The following AP5Z1 variants were observed in gnomAD, a reference collection of about 807,000 sequenced individuals.
AP5Z1 encodes the protein adaptor related protein complex 5 subunit zeta 1.
In AP5Z1, 106 loss-of-function variants were observed where a neutral mutation model predicts 83.0. That is an observed-to-expected ratio of 1.28 (90% CI 1.09 to 1.50). AP5Z1 has a LOEUF of 1.50. Ranked by LOEUF, AP5Z1 falls within the 40% of genes most tolerant of loss-of-function variation. The pLI is 0.00. For missense variants in AP5Z1, 1,565 were observed against 1,094.2 expected, an observed-to-expected ratio of 1.43 and a Z score of -6.07; for synonymous variants, 751 against 514.1, an observed-to-expected ratio of 1.46 and a Z score of -6.23.
chr7:4,791,630 CTGAT>C lies in AP5Z1; in HGVS notation c.*248_*251del. ...AGCTGAGGGGTGCCATGGAGCGGCT[CTGAT>C]TGGAGGCTTGAGGCCCTGTGGCTGG... On this transcript the variant is annotated 3_prime_UTR_variant, in exon 17 of 17. Coordinates refer to ENST00000649063, the MANE Select transcript of AP5Z1 (RefSeq NM_014855.3). 3.5e-6 allele frequency: 2 copies of C among 579,638 alleles called. No individual in the cohort carries two copies. The highest frequency in any genetic ancestry group is 5.9e-6 in the Non-Finnish European group (2 of 341,304). 35.9% of individuals were successfully genotyped at this position (579,638 alleles called of 1,614,324 possible).
chr7:4,782,182 A>C (rs1468058414), intron 3 of AP5Z1, among the ~76,000 whole-genome samples: 5 of 152,128 alleles, frequency 3.3e-5, no homozygotes, highest in Admixed American at 3.3e-4. Context: ...CCTCCTGAGT[A>C]GCTGGGATTA....
intron 3 of AP5Z1, among the ~76,000 whole-genome samples, chr7:4,783,104 C>T (rs919223625): frequency 7.2e-5 from 11 of 152,234 alleles, no homozygotes; most frequent in African/African-American, 2.7e-4. Flanking sequence ...CCCCTCCAGC[C>T]TCAGCGATGC....
chr7:4,783,556 G>C (rs1781444924), intron 4 of AP5Z1, 96 bp downstream of exon 4: 1 of 1,549,158 alleles, frequency 6.5e-7, no homozygotes. Flanking sequence ...GGGGCAGGTG[G>C]GGGACACGGG....
chr7:4,791,111 C>T lies in AP5Z1; in HGVS notation c.2154-4C>T, dbSNP rs1392478975. 3 of 1,581,346 alleles carry T rather than the reference C, an allele frequency of 1.9e-6. No homozygotes were observed. The highest frequency in any genetic ancestry group is 1.2e-5 in the South Asian group (1 of 86,788). On this transcript the variant is annotated splice_polypyrimidine_tract_variant and splice_region_variant and intron_variant, in intron 16 of 16. Coordinates refer to ENST00000649063, the MANE Select transcript of AP5Z1 (RefSeq NM_014855.3). ...CAGCTGACGGAGGGACCTTCTTTCCCCAGGGCCTCTTTATTGCTGTCAAAG... is the reference window on the plus strand; with the variant it reads ...CAGCTGACGGAGGGACCTTCTTTCCTCAGGGCCTCTTTATTGCTGTCAAAG...
chr7:4,782,468 G>A (rs975400383), intron 3 of AP5Z1, among the ~76,000 whole-genome samples: 4 of 152,198 alleles, frequency 2.6e-5, no homozygotes, highest in African/African-American at 9.7e-5. Context: ...CTGCAGGAAG[G>A]TTGCGATGGA....
chr7:4,787,583 G>T, intron 10 of AP5Z1, 51 bp from the exon 11 acceptor site: 1 of 1,522,448 alleles, frequency 6.6e-7, no homozygotes, highest in Non-Finnish European at 8.8e-7. Context: ...TCCCTCTGCC[G>T]CCTGCTCCAC....
intron 12 of AP5Z1, 182 bp from the exon 13 acceptor site, chr7:4,788,658 T>C (rs1583238099): frequency 3.6e-6 from 2 of 557,712 alleles, no homozygotes; most frequent in Non-Finnish European, 6.2e-6. Context: ...ATGGCTTTAC[T>C]GTCCCGGGTG....
intron 6 of AP5Z1, 39 bp downstream of exon 6, chr7:4,784,410 A>G (rs1299683674): frequency 3.4e-5 from 23 of 670,468 alleles, no homozygotes; most frequent in Middle Eastern, 7.7e-4. Flanking sequence ...CAGGGGTGGG[A>G]GGTGGGCGCA....
Position 4,791,394 on chromosome 7 carries a change from T to C in AP5Z1, c.*9T>C. 1 of 1,599,180 alleles carries C rather than the reference T, an allele frequency of 6.3e-7. No individual in the cohort carries two copies. Among genetic ancestry groups the C allele is most frequent in the Non-Finnish European group, 8.5e-7 (1 of 1,172,812 alleles). ...GCCTCATGCCAGGGTGAAGGGACAG[T>C]GGCCAGGGACTTCGGTGCAGATTAA... On this transcript the variant is annotated 3_prime_UTR_variant, in exon 17 of 17. Coordinates refer to ENST00000649063, the MANE Select transcript of AP5Z1 (RefSeq NM_014855.3).
chr7:4,781,570 T>A lies in AP5Z1; in HGVS notation c.182T>A (p.Leu61Gln). The A allele has an allele frequency of 3.7e-6, 6 of 1,604,712 alleles. No homozygotes were observed. Among genetic ancestry groups the A allele is most frequent in the Non-Finnish European group, 5.1e-6 (6 of 1,173,248 alleles). ...IISATKYSRR[L>Q]EKTCVDLLQA... ...ACCACGGGCATCTCGCCTTCCAGGC[T>A]GGAGAAGACATGCGTAGACCTGCTG... is the stretch of plus-strand genomic sequence containing the variant. The change falls in exon 3 of 17, where the codon CTG becomes CAG. Residue 61 changes from leucine to glutamine, a missense_variant and splice_region_variant. Physicochemically the swap from Leu to Gln is moderately radical, Grantham distance 113. Transcript: ENST00000649063.
In AP5Z1 at chr7:4,786,560, G is replaced by A. The variant is rs79109928; in HGVS notation, c.1311+132G>A. 27,214 of 1,018,650 alleles carry A rather than the reference G, an allele frequency of 0.027. 576 individuals are homozygous for A. Among genetic ancestry groups the A allele is most frequent in the African/African-American group, 0.085 (5,303 of 62,266 alleles). 63.1% of individuals were successfully genotyped at this position (1,018,650 alleles called of 1,614,324 possible). Reference sequence around the variant, plus strand: ...CCTGTGAGTCCCGGGCCTGGAATGCGGTGTGCAGGGTGAGGTGGGGATCTG... The same window carrying A: ...CCTGTGAGTCCCGGGCCTGGAATGCAGTGTGCAGGGTGAGGTGGGGATCTG... On this transcript the variant is annotated intron_variant, in intron 10 of 16. Transcript: ENST00000649063.
At chr7:4,781,470 A>T (rs1325022445) in intron 2 of AP5Z1, 98 bp from the exon 3 acceptor site, 1 of 1,538,716 alleles carries the variant, frequency 6.5e-7, no homozygotes, top group East Asian at 2.3e-5. Context: ...TGCTCTGTCC[A>T]CTGGCCCAAG....
intron 1 of AP5Z1, among the ~76,000 whole-genome samples, chr7:4,779,167 C>T (rs1205790128): frequency 1.4e-5 from 2 of 141,406 alleles, no homozygotes; most frequent in South Asian, 2.2e-4. Flanking sequence ...AACTATATAA[C>T]ATATATAACA....
Position 4,788,892 on chromosome 7 carries a change from G to A in AP5Z1, c.1648G>A (p.Ala550Thr), listed in dbSNP as rs774798092. The A allele has an allele frequency of 2.5e-6, 4 of 1,610,974 alleles. No homozygotes were observed. The highest frequency in any genetic ancestry group is 1.1e-5 in the South Asian group (1 of 91,012). ...LQPMAGCARV[A>T]QCAQAVPTLL... ...GCCCATGGCCGGCTGTGCCCGCGTGGCCCAGTGTGCCCAGGCCGTGCCCAC... is the reference window on the plus strand; with the variant it reads ...GCCCATGGCCGGCTGTGCCCGCGTGACCCAGTGTGCCCAGGCCGTGCCCAC... Residue 550 changes from alanine (A) to threonine (T), a missense_variant, in exon 13 of 17, where the codon GCC (alanine) becomes ACC (threonine). Ala to Thr is a moderately conservative substitution (Grantham distance 58, BLOSUM62 0). Coordinates refer to ENST00000649063, the MANE Select transcript of AP5Z1 (RefSeq NM_014855.3).
intron 11 of AP5Z1, 57 bp from the exon 12 acceptor site, chr7:4,788,097 G>T (rs1031001127): frequency 7.5e-6 from 11 of 1,463,236 alleles, no homozygotes; most frequent in South Asian, 1.4e-5. Flanking sequence ...CCTGACGGGG[G>T]TGCCCTTGAG....
At position 4,790,479 on chromosome 7, in the gene AP5Z1, T is replaced by C. The variant is rs1781726580; in HGVS notation, c.1826T>C (p.Leu609Pro). Reference protein sequence around the residue: ...GVHSVLSSQFLALCTLKPSLV... With the variant: ...GVHSVLSSQFPALCTLKPSLV... ...GGCAGTGTGCTGAGTTCTCAGTTCC[T>C]GGCCCTGTGTACGCTGAAACCCTCC... Residue 609 changes from leucine (L) to proline (P), a missense_variant, in exon 15 of 17, where the codon CTG becomes CCG. Coordinates refer to ENST00000649063, the MANE Select transcript of AP5Z1 (RefSeq NM_014855.3). 2 of 1,613,076 alleles carry C rather than the reference T, an allele frequency of 1.2e-6. No homozygotes were observed. The highest frequency in any genetic ancestry group is 1.7e-6 in the Non-Finnish European group (2 of 1,179,866).
rs1039383046 is a variant in AP5Z1, at chr7:4,787,889, C to A, written c.1454+113C>A. 25 of 1,328,030 alleles carry A rather than the reference C, an allele frequency of 1.9e-5. No homozygotes were observed. The African/African-American group carries it at 2.5e-4, about 13-fold the overall frequency. The allele number at this position is 1,328,030 out of a possible 1,614,324, so 82.3% of individuals were successfully genotyped here. A position where few individuals can be genotyped will look rare whatever the true frequency, so the allele number is the denominator to read the frequency against. On this transcript the variant is annotated intron_variant, in intron 11 of 16. Coordinates refer to ENST00000649063, the MANE Select transcript of AP5Z1 (RefSeq NM_014855.3). ...CACCGGGGACCCTCCTTCTTCCCCC[C>A]CCAACACCTGACCAGTCCTCCCCTG...
intron 1 of AP5Z1, among the ~76,000 whole-genome samples, chr7:4,779,324 G>A (rs993259814): frequency 4.8e-5 from 7 of 144,478 alleles, no homozygotes; most frequent in East Asian, 2.0e-4. Context: ...AACATAACAC[G>A]TTATATATGA....
chr7:4,784,112 TCTC>T (rs1207339266), intron 5 of AP5Z1, 88 bp from the exon 6 acceptor site: 16 of 1,428,366 alleles, frequency 1.1e-5, no homozygotes, highest in African/African-American at 1.4e-5. Context: ...TCAGGCAGCT[TCTC>T]CTCCACCTCC....
Sources: gnomAD v4.1 joint callset for allele counts (sites outside exome capture counted in the v4.1 genomes callset) on GRCh38, gnomAD v4.1.1 for gene constraint, MANE v1.5 for transcripts, NCBI Gene and HGNC (gene_info 2026-07-23, HGNC 2026-07-21) for gene names.